Variants in HECW2 observed in about 807,000 individuals in gnomAD.
HECW2 encodes HECT, C2 and WW domain containing E3 ubiquitin protein ligase 2.
Under a neutral mutation model 175.2 loss-of-function variants are expected in HECW2, and 61 were observed. The ratio of observed to expected loss-of-function variants is 0.35; its 90% confidence interval spans 0.28 to 0.43. HECW2 has a LOEUF of 0.43. Among genes scored for constraint, HECW2 ranks in the 20% least tolerant of loss-of-function variants. The probability of loss-of-function intolerance (pLI) is 1.00; values close to 1 mark genes in which losing one functional copy is unlikely to be tolerated. For synonymous variants in HECW2, 671 were observed against 731.0 expected, an observed-to-expected ratio of 0.92 and a Z score of 1.32; for missense variants, 1,524 against 2,000.5, an observed-to-expected ratio of 0.76 and a Z score of 4.54.
chr2:196,314,822 C>G (rs1233187579), intron 10 of HECW2, among the ~76,000 whole-genome samples: 1 of 152,162 alleles, frequency 6.6e-6, no homozygotes, highest in East Asian at 1.9e-4. Context: ...CCAATCTGCA[C>G]GATCCAGCCA....
intron 1 of HECW2, among the ~76,000 whole-genome samples, chr2:196,437,938 C>CTCT (rs1229095164): frequency 6.6e-6 from 1 of 152,128 alleles, no homozygotes. Context: ...AGAATCCAGG[C>CTCT]TCTTCCTCAA....
intron 2 of HECW2, among the ~76,000 whole-genome samples, chr2:196,385,864 C>A (rs35841215): frequency 6.6e-6 from 1 of 152,024 alleles, no homozygotes; most frequent in African/African-American, 2.4e-5. Context: ...GGTTGGAAGC[C>A]TATTTATTAA....
Position 196,307,162 on chromosome 2 carries a change from C to T in HECW2, c.2657G>A (p.Gly886Glu). The T allele has an allele frequency of 6.2e-7, 1 of 1,613,884 alleles. No homozygotes were observed. The highest frequency in any genetic ancestry group is 8.5e-7 in the Non-Finnish European group (1 of 1,179,784). The change falls in exon 12 of 29, where the codon GGG becomes GAG. Residue 886 changes from glycine to glutamate, a missense_variant. Gly to Glu is a moderately conservative substitution (Grantham distance 98). Around this residue, in one of 11 missense-constraint regions of HECW2, gnomAD observed 105 missense variants for 98.1 expected, o/e 1.07. Transcript: ENST00000644978. ...EENTNAIDGA[G>E]EEADFHQASA... ...GGCTTGGTGAAAGTCAGCTTCCTCC[C>T]CTGCCCCATCAATAGCATTGGTATT...
chr2:196,366,640 A>C (rs769020081), intron 2 of HECW2, among the ~76,000 whole-genome samples: 2 of 152,202 alleles, frequency 1.3e-5, no homozygotes, highest in Non-Finnish European at 2.9e-5. Context: ...TGAAGCTCTT[A>C]GGATGTAGTA....
intron 2 of HECW2, among the ~76,000 whole-genome samples, chr2:196,353,200 C>A (rs1049675213): frequency 4.6e-5 from 7 of 152,170 alleles, no homozygotes; most frequent in Non-Finnish European, 8.8e-5. Flanking sequence ...CCATCCCATT[C>A]ACCTGGAACT....
chr2:196,329,957 T>C (rs1692297266), intron 4 of HECW2, among the ~76,000 whole-genome samples: 1 of 152,220 alleles, frequency 6.6e-6, no homozygotes, highest in Non-Finnish European at 1.5e-5. Context: ...TATATTACTA[T>C]TACTATATTA....
At chr2:196,448,312 A>T (rs1696245091) in intron 1 of HECW2, among the ~76,000 whole-genome samples, 1 of 151,442 alleles carries the variant, frequency 6.6e-6, no homozygotes, top group Non-Finnish European at 1.5e-5. Context: ...CCCATCCCTC[A>T]CTCCCATGTT....
chr2:196,360,652 T>G (rs1300006609), intron 2 of HECW2, among the ~76,000 whole-genome samples: 1 of 152,112 alleles, frequency 6.6e-6, no homozygotes, highest in Non-Finnish European at 1.5e-5. Flanking sequence ...TGACACAAGT[T>G]TACCTACCTA....
intron 5 of HECW2, among the ~76,000 whole-genome samples, chr2:196,328,865 T>C (rs754684746): frequency 2.0e-5 from 3 of 152,200 alleles, no homozygotes; most frequent in Admixed American, 6.5e-5. Flanking sequence ...GTGTCCTATG[T>C]ATGAAATACA....
At chr2:196,580,268 CTAAAGATCAACAAGGACAGTTA>C (rs1156756718) in intron 1 of HECW2, among the ~76,000 whole-genome samples, 4 of 152,076 alleles carry the variant, frequency 2.6e-5, no homozygotes, top group African/African-American at 7.2e-5. Flanking sequence ...GATAAAACAA[CTAAAGATCAACAAGGACAGTTA>C]TAACACCAAA....
In HECW2 at chr2:196,320,325, T is replaced by C. The variant is rs756004346; in HGVS notation, c.985+14A>G. ...CTATAGCAATGTATTCATACAGATA[T>C]ATTTATATCTCACCTTCATGAACAG... On this transcript the variant is annotated intron_variant, in intron 8 of 28. Coordinates refer to ENST00000644978, the MANE Select transcript of HECW2 (RefSeq NM_001348768.2). 4 of 1,498,620 alleles carry C rather than the reference T, an allele frequency of 2.7e-6. No homozygotes were observed. The Admixed American group carries it at 5.0e-5, about 19-fold the overall frequency. The allele number at this position is 1,498,620 out of a possible 1,614,324, so 92.8% of individuals were successfully genotyped here.
chr2:196,542,189 G>A (rs146452489), intron 1 of HECW2, among the ~76,000 whole-genome samples: 5,896 of 151,446 alleles, frequency 0.039, 148 homozygotes, highest in Middle Eastern at 0.065. Context: ...GCTTGAACCC[G>A]GGAAGCGAAG....
At chr2:196,337,698 G>C (rs759777548) in intron 3 of HECW2, among the ~76,000 whole-genome samples, 1 of 151,788 alleles carries the variant, frequency 6.6e-6, no homozygotes, top group Non-Finnish European at 1.5e-5. Flanking sequence ...GCTATAAAAA[G>C]AGTATTTTGA....
intron 1 of HECW2, among the ~76,000 whole-genome samples, chr2:196,464,600 A>G (rs1360185229): frequency 2.0e-5 from 3 of 152,186 alleles, no homozygotes; most frequent in African/African-American, 4.8e-5. Flanking sequence ...TCAGTCTATA[A>G]TTATCCCATT....
At chr2:196,592,670 G>A (rs1026049736) in intron 1 of HECW2, 2 of 152,244 alleles carry the variant, frequency 1.3e-5, no homozygotes, top group African/African-American at 4.8e-5. Context: ...CCTGGGCAGC[G>A]GAAACCGAAA....
At chr2:196,391,364 G>A (rs1035804096) in intron 2 of HECW2, among the ~76,000 whole-genome samples, 1 of 152,104 alleles carries the variant, frequency 6.6e-6, no homozygotes. Flanking sequence ...TGTATTAAAG[G>A]TCACACAAAT....
intron 2 of HECW2, among the ~76,000 whole-genome samples, 164 bp downstream of exon 2, chr2:196,432,968 T>G (rs1330856954): frequency 1.3e-5 from 2 of 152,222 alleles, no homozygotes; most frequent in Admixed American, 6.5e-5. Context: ...AATGTACTGT[T>G]GAATCTCCTC....
intron 2 of HECW2, among the ~76,000 whole-genome samples, chr2:196,397,952 C>T (rs1694715034): frequency 6.6e-6 from 1 of 152,154 alleles, no homozygotes. Flanking sequence ...AGTATTTCCA[C>T]AAAGTTCTAA....
At chr2:196,255,973 T>C (rs1689040407) in intron 18 of HECW2, among the ~76,000 whole-genome samples, 1 of 152,152 alleles carries the variant, frequency 6.6e-6, no homozygotes, top group Non-Finnish European at 1.5e-5. Flanking sequence ...CTCAGGAGGC[T>C]GAGGCAGGAG....
Sources: allele counts gnomAD v4.1 joint callset (sites outside exome capture counted in the v4.1 genomes callset), GRCh38; gene constraint gnomAD v4.1.1; regional missense constraint gnomAD v4.1.1; transcripts MANE v1.5; gene names NCBI Gene and HGNC (gene_info 2026-07-23, HGNC 2026-07-21).